The following SLC41A2 variants were observed in gnomAD, a reference collection of about 807,000 sequenced individuals.
The protein encoded by SLC41A2 is solute carrier family 41 member 2.
In SLC41A2, 32 loss-of-function variants were observed where a neutral mutation model predicts 58.3. The ratio of observed to expected loss-of-function variants is 0.55; its 90% CI spans 0.41 to 0.74. The LOEUF is 0.74. Ranked by LOEUF, SLC41A2 falls within the 30% of genes least tolerant of loss-of-function variation. The pLI, the probability that SLC41A2 is intolerant of heterozygous loss-of-function variation, is 0.00. For synonymous variants in SLC41A2, 190 were observed against 235.0 expected (o/e 0.81, Z 1.75); for missense variants, 514 against 680.6 (o/e 0.76, Z 2.72).
intron 1 of SLC41A2, among the ~76,000 whole-genome samples, chr12:104,935,284 T>C (rs1273139460): frequency 6.6e-6 from 1 of 152,150 alleles, no homozygotes; most frequent in Non-Finnish European, 1.5e-5. Context: ...TGGTGATCTA[T>C]TGCACTGTAT....
chr12:104,884,258 T>C (rs1734867361), intron 6 of SLC41A2, among the ~76,000 whole-genome samples: 1 of 152,182 alleles, frequency 6.6e-6, no homozygotes, highest in Non-Finnish European at 1.5e-5. Flanking sequence ...ACAGCTTCCC[T>C]TGGCTAGGAA....
chr12:104,892,295 C>CA (rs1392518962), intron 4 of SLC41A2, among the ~76,000 whole-genome samples: 75 of 106,154 alleles, frequency 7.1e-4, no homozygotes, highest in African/African-American at 1.5e-3. Context: ...GACCTCATCT[C>CA]AAAAAAAAAA....
chr12:104,812,977 G>T (rs541536191), intron 10 of SLC41A2, among the ~76,000 whole-genome samples: 10 of 152,218 alleles, frequency 6.6e-5, no homozygotes, highest in African/African-American at 2.4e-4. Flanking sequence ...TCAGGAGTTT[G>T]AGACCAGCCT....
Position 104,866,526 on chromosome 12 carries a change from G to C in SLC41A2, c.1081C>G (p.Pro361Ala). The C allele has an allele frequency of 6.2e-7, 1 of 1,611,532 alleles. No homozygotes were observed. Among genetic ancestry groups the C allele is most frequent in the Non-Finnish European group, 8.5e-7 (1 of 1,179,274 alleles). ...LVGVFFLALT[P>A]IWIIIAAKHP... ...TTGGCAGCTATTATAATCCAAATAG[G>C]GGTTAGAGCCAAGAAAAATACACCA... The change falls in exon 7 of 11, where the codon CCT becomes GCT. Residue 361 changes from proline (P) to alanine (A), a missense_variant. Physicochemically the swap from Pro to Ala is conservative, Grantham distance 27. Coordinates refer to ENST00000258538, the MANE Select transcript of SLC41A2 (RefSeq NM_001352171.3).
intron 4 of SLC41A2, 51 bp downstream of exon 4, chr12:104,895,223 A>G (rs780779126): frequency 2.3e-6 from 3 of 1,305,400 alleles, no homozygotes; most frequent in East Asian, 2.3e-5. Context: ...TATAGATTAC[A>G]GTCAAAATTT....
In SLC41A2 at chr12:104,895,299, A is replaced by C; in HGVS notation, c.710T>G (p.Ile237Arg). Residue 237 changes from isoleucine (I) to arginine (R), a missense_variant, in exon 4 of 11, where the codon ATA (isoleucine) becomes AGA (arginine). By Grantham distance (97) the Ile-to-Arg change is moderately conservative. Coordinates refer to ENST00000258538, the MANE Select transcript of SLC41A2 (RefSeq NM_001352171.3). ...CTGCTTTAAAGCCAAGTTGCCAATT[A>C]TTAGGTTCCACTTTTCAATGGGTGA... ...MDSPIEKWNL[I>R]IGNLALKQVQ... is the part of the protein sequence containing the mutation. 3 of 1,613,328 alleles carry C rather than the reference A, an allele frequency of 1.9e-6. No individual in the cohort carries two copies. Among genetic ancestry groups the C allele is most frequent in the Non-Finnish European group, 2.5e-6 (3 of 1,179,540 alleles).
intron 2 of SLC41A2, among the ~76,000 whole-genome samples, chr12:104,921,591 T>A (rs1251117352): frequency 6.6e-6 from 1 of 151,018 alleles, no homozygotes; most frequent in African/African-American, 2.4e-5. Context: ...GCACCTCTAG[T>A]TTTGTCTTAT....
intron 8 of SLC41A2, among the ~76,000 whole-genome samples, chr12:104,856,355 A>C (rs1476823157): frequency 6.6e-6 from 1 of 152,224 alleles, no homozygotes; most frequent in Non-Finnish European, 1.5e-5. Flanking sequence ...ATGAAGACTG[A>C]AAATAAGTTA....
At chr12:104,914,872 G>A (rs1427575117) in intron 2 of SLC41A2, among the ~76,000 whole-genome samples, 1 of 152,236 alleles carries the variant, frequency 6.6e-6, no homozygotes, top group African/African-American at 2.4e-5. Flanking sequence ...GTAAGACCAG[G>A]ATGCATTATC....
At chr12:104,843,305 A>G (rs1194760145) in intron 10 of SLC41A2, among the ~76,000 whole-genome samples, 1 of 151,934 alleles carries the variant, frequency 6.6e-6, no homozygotes, top group Non-Finnish European at 1.5e-5. Context: ...ATCTAGTAGC[A>G]TGAAGGTTTA....
In SLC41A2 at chr12:104,801,980, C is replaced by T. The variant is rs989575443; in HGVS notation, c.*3172G>A. Reference sequence around the variant, plus strand: ...TTCTTTATTTGAGTTTAAAACAATTCGAAGATGGCAGAACCCCGTTATAAA... The same window carrying T: ...TTCTTTATTTGAGTTTAAAACAATTTGAAGATGGCAGAACCCCGTTATAAA... On this transcript the variant is annotated 3_prime_UTR_variant, in exon 11 of 11. Coordinates refer to ENST00000258538, the MANE Select transcript of SLC41A2 (RefSeq NM_001352171.3). 5.9e-5 allele frequency among the ~76,000 whole-genome samples: 9 copies of T among 152,118 alleles called. No individual in the cohort carries two copies. The East Asian group carries it at 1.2e-3, about 20-fold the overall frequency.
intron 3 of SLC41A2, among the ~76,000 whole-genome samples, chr12:104,897,327 T>C (rs2045340585): frequency 6.6e-6 from 1 of 152,088 alleles, no homozygotes; most frequent in South Asian, 2.1e-4. Context: ...TGTATTTTAG[T>C]AGAAACAGGG....
intron 8 of SLC41A2, among the ~76,000 whole-genome samples, chr12:104,852,190 A>C (rs1357046718): frequency 6.6e-6 from 1 of 152,236 alleles, no homozygotes; most frequent in Non-Finnish European, 1.5e-5. Context: ...AGAATCTAAT[A>C]TCAAAAATTA....
intron 1 of SLC41A2, among the ~76,000 whole-genome samples, chr12:104,947,883 T>C (rs2047792147): frequency 1.3e-5 from 2 of 152,166 alleles, no homozygotes; most frequent in African/African-American, 2.4e-5. Context: ...ATAAACCAGA[T>C]TATCTTAAAT....
At chr12:104,897,211 T>A (rs1339681376) in intron 3 of SLC41A2, among the ~76,000 whole-genome samples, 1 of 147,836 alleles carries the variant, frequency 6.8e-6, no homozygotes, top group Admixed American at 7.0e-5. Context: ...AGTGGCATGA[T>A]CTTGGCTCAC....
chr12:104,853,911 A>ATTATTATTATTTTTTTTTTTTTTTT lies in SLC41A2; in HGVS notation c.1255+7379_1255+7380insAAAAAAAAAAAAAAAATAATAATAA. Reference sequence around the variant, plus strand: ...GGGTGCATGTCACCATGCCTGGCTGATTTTTTTTTTTTTTTTTTTTTTTTT... The same window carrying ATTATTATTATTTTTTTTTTTTTTTT: ...GGGTGCATGTCACCATGCCTGGCTGATTATTATTATTTTTTTTTTTTTTTTTTTTTTTTTTTTTTTTTTTTTTTTT... On this transcript the variant is annotated intron_variant, in intron 8 of 10. Coordinates refer to ENST00000258538, the MANE Select transcript of SLC41A2 (RefSeq NM_001352171.3). 8.2e-4 allele frequency among the ~76,000 whole-genome samples: 49 copies of ATTATTATTATTTTTTTTTTTTTTTT among 59,494 alleles called. 4 individuals carry two copies. Among genetic ancestry groups the ATTATTATTATTTTTTTTTTTTTTTT allele is most frequent in the African/African-American group, 1.0e-3 (15 of 14,476 alleles). The allele number at this position is 59,494 out of a possible 152,430, so 39.0% of individuals were successfully genotyped here. A position where few individuals can be genotyped will look rare whatever the true frequency, so the allele number is the denominator to read the frequency against.
intron 1 of SLC41A2, chr12:104,951,347 A>C (rs1231706597): frequency 1.3e-5 from 2 of 152,232 alleles, no homozygotes; most frequent in Admixed American, 6.5e-5. Flanking sequence ...AGTGCTTTTT[A>C]AAAGCCATCT....
At chr12:104,929,906 T>C (rs1273269633) in intron 1 of SLC41A2, among the ~76,000 whole-genome samples, 1 of 152,218 alleles carries the variant, frequency 6.6e-6, no homozygotes, top group African/African-American at 2.4e-5. Context: ...ATCTCCTCTC[T>C]GGATAGGAAG....
At chr12:104,892,330 A>C (rs2045044838) in intron 4 of SLC41A2, among the ~76,000 whole-genome samples, 1 of 148,354 alleles carries the variant, frequency 6.7e-6, no homozygotes, top group African/African-American at 2.5e-5. Flanking sequence ...ATAAAATAAA[A>C]TAAAATATTG....
Sources: gnomAD v4.1 joint callset for allele counts (sites outside exome capture counted in the v4.1 genomes callset) on GRCh38, gnomAD v4.1.1 for gene constraint, MANE v1.5 for transcripts, NCBI Gene and HGNC (gene_info 2026-07-23, HGNC 2026-07-21) for gene names.